The following MYO5A variants were observed in gnomAD, a reference collection of about 807,000 sequenced individuals.
MYO5A encodes myosin VA, also known as unconventional myosin-Va.
In MYO5A, 98 loss-of-function variants were observed where a neutral mutation model predicts 249.7. The ratio of observed to expected loss-of-function variants is 0.39; its 90% CI spans 0.33 to 0.46. MYO5A has a LOEUF of 0.46. MYO5A is among the 20% of genes least tolerant of loss of function. MYO5A has a pLI of 0.98. For missense variants in MYO5A, 1,696 were observed against 2,308.8 expected (o/e 0.73, Z 5.44); for synonymous variants, 778 against 810.6 (o/e 0.96, Z 0.68).
chr15:52,472,568 C>G (rs1165769003), intron 1 of MYO5A, among the ~76,000 whole-genome samples: 1 of 152,058 alleles, frequency 6.6e-6, no homozygotes, highest in Non-Finnish European at 1.5e-5. Flanking sequence ...CAACAGGCCC[C>G]GGTGTGATGT....
chr15:52,349,869 C>T (rs778637214), intron 28 of MYO5A, among the ~76,000 whole-genome samples: 9 of 152,288 alleles, frequency 5.9e-5, no homozygotes, highest in Non-Finnish European at 1.0e-4. Context: ...GCAACCTATA[C>T]GGCAAGCCAA....
At chr15:52,355,131 C>A (rs2040153307) in intron 25 of MYO5A, among the ~76,000 whole-genome samples, 1 of 152,194 alleles carries the variant, frequency 6.6e-6, no homozygotes, top group Admixed American at 6.5e-5. Context: ...GCAGATTCTA[C>A]ATTTACAATC....
At chr15:52,316,970 G>A (rs1250478097) in intron 40 of MYO5A, 78 bp downstream of exon 40, 1 of 1,443,688 alleles carries the variant, frequency 6.9e-7, no homozygotes, top group East Asian at 2.3e-5. Flanking sequence ...CAAGCAATAA[G>A]TAGAGGACTT....
chr15:52,392,058 A>G lies in MYO5A; in HGVS notation c.1414T>C (p.Leu472=), dbSNP rs375108002. The part of the protein sequence containing the change: ...QQQFNMHVFK[L]EQEEYMKEQI... ...TCCTTCATATATTCTTCTTGCTCCA[A>G]TTTGAAGACATGCTGAAATGAAAAA... Residue 472 remains leucine (L), a synonymous_variant, in exon 12 of 42, where the codon TTG becomes CTG. Transcript: ENST00000399233. 1.2e-6 allele frequency: 2 copies of G among 1,611,208 alleles called. No individual in the cohort carries two copies. Among genetic ancestry groups the G allele is most frequent in the Admixed American group, 1.7e-5 (1 of 59,990 alleles).
intron 1 of MYO5A, among the ~76,000 whole-genome samples, chr15:52,459,356 G>A (rs1432814180): frequency 6.6e-6 from 1 of 151,552 alleles, no homozygotes; most frequent in African/African-American, 2.4e-5. Context: ...TTGAGATTAG[G>A]GAGTGGTGAT....
chr15:52,429,378 A>C (rs2075470231), intron 2 of MYO5A, among the ~76,000 whole-genome samples: 1 of 151,438 alleles, frequency 6.6e-6, no homozygotes, highest in Admixed American at 6.6e-5. Flanking sequence ...ACATGGCAAG[A>C]CTCCGTCTTT....
At chr15:52,509,236 T>G (rs989935174) in intron 1 of MYO5A, among the ~76,000 whole-genome samples, 1 of 152,190 alleles carries the variant, frequency 6.6e-6, no homozygotes, top group African/African-American at 2.4e-5. Flanking sequence ...CCTCCCAAAG[T>G]GTTGGGATTA....
At chr15:52,363,508 A>G (rs1042637710) in intron 24 of MYO5A, among the ~76,000 whole-genome samples, 2 of 152,172 alleles carry the variant, frequency 1.3e-5, no homozygotes, top group Admixed American at 6.5e-5. Context: ...AGGTGATGAG[A>G]GCCTATCTTT....
intron 1 of MYO5A, among the ~76,000 whole-genome samples, chr15:52,445,917 A>G (rs1317716614): frequency 6.6e-6 from 1 of 152,234 alleles, no homozygotes; most frequent in African/African-American, 2.4e-5. Flanking sequence ...AGGAGCAAAG[A>G]AGCGACTTAA....
chr15:52,479,540 T>C (rs1266801502), intron 1 of MYO5A, among the ~76,000 whole-genome samples: 4 of 152,146 alleles, frequency 2.6e-5, no homozygotes, highest in African/African-American at 4.8e-5. Flanking sequence ...AACTGCATAG[T>C]TTAGAGGTTG....
chr15:52,396,466 A>G, intron 10 of MYO5A, 69 bp from the exon 11 acceptor site: 1 of 881,314 alleles, frequency 1.1e-6, no homozygotes, highest in Non-Finnish European at 1.8e-6. Context: ...TATTCAAAAT[A>G]TACACATTAG....
At chr15:52,390,850 A>T (rs867724993) in intron 12 of MYO5A, among the ~76,000 whole-genome samples, 2 of 152,102 alleles carry the variant, frequency 1.3e-5, no homozygotes, top group South Asian at 4.1e-4. Context: ...TAAGCCCATC[A>T]TGCCCGGCCT....
intron 1 of MYO5A, among the ~76,000 whole-genome samples, chr15:52,486,326 AACTC>A (rs1357131141): frequency 6.6e-6 from 1 of 152,150 alleles, no homozygotes; most frequent in Non-Finnish European, 1.5e-5. Flanking sequence ...CAGATGAAAA[AACTC>A]AGGTTGAGTG....
chr15:52,434,002 T>TC (rs1327817680), intron 1 of MYO5A, among the ~76,000 whole-genome samples: 5 of 147,280 alleles, frequency 3.4e-5, no homozygotes, highest in Non-Finnish European at 6.0e-5. Flanking sequence ...TCTTTTTCTT[T>TC]TTTTTTTTTT....
At chr15:52,521,605 C>G (rs1156926763) in intron 1 of MYO5A, among the ~76,000 whole-genome samples, 1 of 152,168 alleles carries the variant, frequency 6.6e-6, no homozygotes, top group Non-Finnish European at 1.5e-5. Flanking sequence ...GCACTTCTCC[C>G]TTGATTTCAA....
At chr15:52,479,408 A>G (rs924711065) in intron 1 of MYO5A, among the ~76,000 whole-genome samples, 1 of 152,184 alleles carries the variant, frequency 6.6e-6, no homozygotes, top group Admixed American at 6.5e-5. Context: ...TCTAGGCTAC[A>G]TAGTTCATCT....
chr15:52,350,176 C>T (rs1305533212), intron 28 of MYO5A, among the ~76,000 whole-genome samples: 16 of 152,218 alleles, frequency 1.1e-4, no homozygotes, highest in Non-Finnish European at 1.9e-4. Context: ...TCGTGATCTG[C>T]CCGCCTCGGC....
chr15:52,433,335 A>G (rs747882222), intron 1 of MYO5A, 50 bp from the exon 2 acceptor site: 24 of 1,057,370 alleles, frequency 2.3e-5, no homozygotes, highest in Admixed American at 1.0e-4. Flanking sequence ...ATTATTTTAC[A>G]ATCATATATA....
rs1238692526 is a variant in MYO5A, at chr15:52,354,001, T to C, written c.3437A>G (p.Lys1146Arg). The C allele has an allele frequency of 1.2e-6, 2 of 1,614,118 alleles. No individual in the cohort carries two copies. Among genetic ancestry groups the C allele is most frequent in the African/African-American group, 2.7e-5 (2 of 74,944 alleles). Residue 1146 changes from lysine to arginine, a missense_variant, in exon 26 of 42, where the codon AAG becomes AGG. Around this residue, in one of 5 missense-constraint regions of MYO5A, gnomAD observed 625 missense variants for 908.1 expected, o/e 0.69. Coordinates refer to ENST00000399233, the MANE Select transcript of MYO5A (RefSeq NM_001382347.1). The part of the protein sequence containing the change: ...IPSRTEEPSE[K>R]KVPLDMSLFL... ...CAATGACATGTCCAGAGGTACCTTCTTCTCACTTGGTTCCTAAACCCCAGG... is the reference window on the plus strand; with the variant it reads ...CAATGACATGTCCAGAGGTACCTTCCTCTCACTTGGTTCCTAAACCCCAGG...
Sources: allele counts gnomAD v4.1 joint callset (sites outside exome capture counted in the v4.1 genomes callset), GRCh38; gene constraint gnomAD v4.1.1; regional missense constraint gnomAD v4.1.1; transcripts MANE v1.5; gene names NCBI Gene and HGNC (gene_info 2026-07-23, HGNC 2026-07-21).